MBD5: variants seen among roughly 807,000 people sequenced by gnomAD.
The protein encoded by MBD5 is methyl-CpG binding domain protein 5.
MBD5 carries 13 observed loss-of-function variants against 117.3 expected under a neutral mutation model. The ratio of observed to expected loss-of-function variants is 0.11; its 90% CI spans 0.07 to 0.18. The LOEUF (loss-of-function observed/expected upper bound fraction) is 0.18. Ranked by LOEUF, MBD5 falls within the 10% of genes least tolerant of loss-of-function variation. The pLI is 1.00. For missense variants in MBD5, 1,879 were observed against 2,093.8 expected (o/e 0.90, Z 2.00); for synonymous variants, 727 against 766.4 (o/e 0.95, Z 0.85).
chr2:148,399,714 G>A (rs1358581814), intron 4 of MBD5, among the ~76,000 whole-genome samples: 1 of 152,018 alleles, frequency 6.6e-6, no homozygotes, highest in Non-Finnish European at 1.5e-5. Flanking sequence ...GTGAGAGAGG[G>A]CATCCCTGTC....
intron 1 of MBD5, among the ~76,000 whole-genome samples, chr2:148,053,032 T>C (rs1694764849): frequency 6.6e-6 from 1 of 151,772 alleles, no homozygotes; most frequent in South Asian, 2.1e-4. Context: ...TATAGATGTC[T>C]ATTAGTTTCT....
At chr2:148,141,338 C>G (rs1197438001) in intron 1 of MBD5, among the ~76,000 whole-genome samples, 1 of 152,162 alleles carries the variant, frequency 6.6e-6, no homozygotes, top group East Asian at 1.9e-4. Context: ...GCCATCTTAT[C>G]TGATTAACCT....
At position 148,031,142 on chromosome 2, in the gene MBD5, CA is replaced by C. The variant is rs1412392502; in HGVS notation, c.-925+9462del. On this transcript the variant is annotated intron_variant, in intron 1 of 13. Coordinates refer to ENST00000642680, the MANE Select transcript of MBD5 (RefSeq NM_001378120.1). ...TGATCCAAATTATTATATGTTCACT[CA>C]AAATACAGATAGTATAATCATGTAA... Among the ~76,000 whole-genome samples the C allele has an allele frequency of 2.0e-5, 3 of 151,992 alleles. No homozygotes were observed. The East Asian group carries it at 5.8e-4, about 29-fold the overall frequency.
intron 3 of MBD5, among the ~76,000 whole-genome samples, chr2:148,317,237 C>T (rs568933628): frequency 2.0e-5 from 3 of 151,944 alleles, no homozygotes; most frequent in African/African-American, 4.8e-5. Context: ...GGCATGGTGG[C>T]GCATGCCTGT....
chr2:148,423,202 A>G (rs1574407862), intron 4 of MBD5, among the ~76,000 whole-genome samples: 1 of 152,188 alleles, frequency 6.6e-6, no homozygotes, highest in African/African-American at 2.4e-5. Flanking sequence ...TTACCCACCA[A>G]AGGGAAGCCC....
chr2:148,464,735 G>A (rs1574454547), intron 7 of MBD5, among the ~76,000 whole-genome samples: 1 of 150,758 alleles, frequency 6.6e-6, no homozygotes, highest in East Asian at 2.0e-4. Flanking sequence ...GAAGTGGGAG[G>A]ATCGCTTGAG....
At chr2:148,490,664 A>G in intron 11 of MBD5, 70 bp downstream of exon 11, 1 of 1,569,198 alleles carries the variant, frequency 6.4e-7, no homozygotes. Flanking sequence ...TTTTGTTATC[A>G]TCACTTTGGA....
At chr2:148,147,075 A>T (rs1201851528) in intron 1 of MBD5, among the ~76,000 whole-genome samples, 3 of 151,978 alleles carry the variant, frequency 2.0e-5, no homozygotes, top group Non-Finnish European at 4.4e-5. Context: ...GAACATATGT[A>T]TTGTAGGTGG....
intron 3 of MBD5, among the ~76,000 whole-genome samples, chr2:148,307,975 T>C (rs904354397): frequency 3.3e-5 from 5 of 152,010 alleles, no homozygotes; most frequent in African/African-American, 1.2e-4. Flanking sequence ...ATTAACTCAC[T>C]TTTTTTTACA....
intron 4 of MBD5, among the ~76,000 whole-genome samples, chr2:148,425,096 C>G (rs10211149): frequency 0.25 from 38,724 of 151,906 alleles, 5,433 homozygotes; most frequent in East Asian, 0.41. Context: ...AATCCAGGAG[C>G]TGGTTTTTTG....
chr2:148,228,635 G>C (rs1333450292), intron 2 of MBD5, among the ~76,000 whole-genome samples: 2 of 152,194 alleles, frequency 1.3e-5, no homozygotes, highest in African/African-American at 2.4e-5. Flanking sequence ...AAATGAGTTA[G>C]GGAGGATTCC....
chr2:148,352,970 G>T (rs2105244671), intron 4 of MBD5, among the ~76,000 whole-genome samples: 1 of 152,098 alleles, frequency 6.6e-6, no homozygotes, highest in South Asian at 2.1e-4. Flanking sequence ...TGTTTCTGGA[G>T]AAAGCATATG....
Position 148,485,959 on chromosome 2 carries a change from C to T in MBD5, c.3753+9C>T. The T allele has an allele frequency of 1.2e-6, 2 of 1,610,350 alleles. No homozygotes were observed. Among genetic ancestry groups the T allele is most frequent in the Non-Finnish European group, 1.7e-6 (2 of 1,176,532 alleles). ...TGTTTCAGAACTTTCAGGTACTCTC[C>T]TCTGCTGTGTCATTTTAGAAGAAAA... On this transcript the variant is annotated intron_variant, in intron 10 of 13. Coordinates refer to ENST00000642680, the MANE Select transcript of MBD5 (RefSeq NM_001378120.1).
chr2:148,168,844 T>C (rs1698190235), intron 1 of MBD5, among the ~76,000 whole-genome samples: 2 of 151,872 alleles, frequency 1.3e-5, no homozygotes, highest in African/African-American at 4.8e-5. Flanking sequence ...GAAGATAGCA[T>C]AAACATACTA....
chr2:148,446,168 T>G (rs1290694808), intron 4 of MBD5, among the ~76,000 whole-genome samples: 1 of 151,668 alleles, frequency 6.6e-6, no homozygotes, highest in Non-Finnish European at 1.5e-5. Flanking sequence ...TGGCTTTTGT[T>G]GCCATTGCTT....
chr2:148,205,184 C>T (rs1196490929), intron 2 of MBD5, among the ~76,000 whole-genome samples: 1 of 152,064 alleles, frequency 6.6e-6, no homozygotes, highest in East Asian at 1.9e-4. Flanking sequence ...TCAAGCGATT[C>T]TCCTGCCTCT....
At chr2:148,287,189 CT>C (rs1701386720) in intron 3 of MBD5, among the ~76,000 whole-genome samples, 1 of 152,116 alleles carries the variant, frequency 6.6e-6, no homozygotes, top group Non-Finnish European at 1.5e-5. Context: ...CTCTTACTGG[CT>C]TTATTTGTGA....
intron 4 of MBD5, among the ~76,000 whole-genome samples, chr2:148,389,818 A>G (rs1313298975): frequency 6.6e-6 from 1 of 152,144 alleles, no homozygotes; most frequent in Non-Finnish European, 1.5e-5. Context: ...ACTTCCTTAT[A>G]GATTCTGGAT....
chr2:148,143,526 G>A (rs978334559), intron 1 of MBD5, among the ~76,000 whole-genome samples: 1 of 152,086 alleles, frequency 6.6e-6, no homozygotes, highest in Non-Finnish European at 1.5e-5. Context: ...TGCACAATGT[G>A]CAGGTTTGTT....
Sources: allele counts gnomAD v4.1 joint callset (sites outside exome capture counted in the v4.1 genomes callset), GRCh38; gene constraint gnomAD v4.1.1; transcripts MANE v1.5; gene names NCBI Gene and HGNC (gene_info 2026-07-23, HGNC 2026-07-21).